Variants in SLAIN2 observed in about 807,000 individuals in gnomAD.
SLAIN2 encodes SLAIN motif-containing protein 2.
In SLAIN2, 31 loss-of-function variants were observed where a neutral mutation model predicts 56.6. The ratio of observed to expected loss-of-function variants is 0.55; its 90% confidence interval spans 0.41 to 0.74. The LOEUF is 0.74. Ranked by LOEUF, SLAIN2 falls within the 30% of genes least tolerant of loss-of-function variation. SLAIN2 has a pLI of 0.00. For synonymous variants in SLAIN2, 317 were observed against 284.9 expected (o/e 1.11, Z -1.13); for missense variants, 777 against 754.2 (o/e 1.03, Z -0.35).
intron 6 of SLAIN2, among the ~76,000 whole-genome samples, chr4:48,408,889 G>A (rs1034108899): frequency 5.3e-5 from 8 of 152,068 alleles, no homozygotes; most frequent in African/African-American, 1.9e-4. Flanking sequence ...GCCCTATACA[G>A]ATGTACCATA....
At chr4:48,388,091 T>C (rs1317937267) in intron 6 of SLAIN2, among the ~76,000 whole-genome samples, 1 of 152,196 alleles carries the variant, frequency 6.6e-6, no homozygotes, top group African/African-American at 2.4e-5. Context: ...TTTGCCTTGT[T>C]ACTATGCCAA....
intron 6 of SLAIN2, among the ~76,000 whole-genome samples, chr4:48,412,104 T>C (rs1716872153): frequency 6.6e-6 from 1 of 152,172 alleles, no homozygotes; most frequent in African/African-American, 2.4e-5. Context: ...TTTTTCCGCT[T>C]TCCTCACTAG....
At chr4:48,364,125 G>A in intron 1 of SLAIN2, among the ~76,000 whole-genome samples, 1 of 59,982 alleles carries the variant, frequency 1.7e-5, no homozygotes, top group Non-Finnish European at 3.7e-5. Context: ...CAGACGGGGT[G>A]GTTGCCAGGC....
intron 6 of SLAIN2, among the ~76,000 whole-genome samples, chr4:48,394,345 T>G (rs1342754403): frequency 6.6e-6 from 1 of 152,226 alleles, no homozygotes; most frequent in African/African-American, 2.4e-5. Flanking sequence ...TTTTCTCACC[T>G]GTAAGAAACT....
intron 1 of SLAIN2, among the ~76,000 whole-genome samples, chr4:48,349,634 T>G (rs1195989037): frequency 6.6e-6 from 1 of 152,242 alleles, no homozygotes; most frequent in Non-Finnish European, 1.5e-5. Context: ...TGATAAGACA[T>G]GAATTGCTTT....
chr4:48,375,726 C>T (rs1219326922), intron 2 of SLAIN2, among the ~76,000 whole-genome samples: 4 of 152,214 alleles, frequency 2.6e-5, no homozygotes, highest in East Asian at 1.9e-4. Flanking sequence ...TCAGGCCTTC[C>T]ATGACCTGGC....
intron 6 of SLAIN2, among the ~76,000 whole-genome samples, chr4:48,419,818 A>G (rs988802293): frequency 2.0e-4 from 31 of 152,304 alleles, no homozygotes; most frequent in African/African-American, 7.0e-4. Context: ...TATGTGGCCC[A>G]CATTAGTTGC....
chr4:48,346,837 T>G (rs1314493526), intron 1 of SLAIN2, among the ~76,000 whole-genome samples: 1 of 65,548 alleles, frequency 1.5e-5, no homozygotes, highest in South Asian at 8.2e-4. Flanking sequence ...CTATTTCCCT[T>G]TTTTTTTTTT....
chr4:48,342,107 G>GGGAGGA lies in SLAIN2; in HGVS notation c.379_384dup (p.Glu127_Glu128dup). The GGGAGGA allele has an allele frequency of 1.5e-6, 2 of 1,349,978 alleles. No individual in the cohort carries two copies. The highest frequency in any genetic ancestry group is 1.9e-6 in the Non-Finnish European group (2 of 1,055,040). 83.6% of individuals were successfully genotyped at this position (1,349,978 alleles called of 1,614,324 possible). On this transcript the variant is annotated inframe_insertion, in exon 1 of 8. Coordinates refer to ENST00000264313, the MANE Select transcript of SLAIN2 (RefSeq NM_020846.2). The stretch of plus-strand genomic sequence containing the variant: ...GACGAGCTGGAGCGCCTGTCAGGCT[G>GGGAGGA]GGAGGAGGAGGAGGAGAGCTGGTGA...
intron 4 of SLAIN2, 57 bp from the exon 5 acceptor site, chr4:48,382,511 A>T (rs1715993617): frequency 7.2e-7 from 1 of 1,380,226 alleles, no homozygotes; most frequent in Non-Finnish European, 9.5e-7. Flanking sequence ...TTTAAATTTT[A>T]AAATTATTTA....
chr4:48,374,845 C>T (rs749544944), intron 2 of SLAIN2, among the ~76,000 whole-genome samples: 10 of 152,136 alleles, frequency 6.6e-5, no homozygotes, highest in Non-Finnish European at 1.5e-4. Flanking sequence ...AAGTTGCCAG[C>T]TTCTGCGACA....
chr4:48,398,498 A>G (rs1716468022), intron 6 of SLAIN2, among the ~76,000 whole-genome samples: 1 of 152,072 alleles, frequency 6.6e-6, no homozygotes. Flanking sequence ...TTTTTAGTTT[A>G]ATTAGATCCC....
At chr4:48,419,497 T>C (rs1453845037) in intron 6 of SLAIN2, among the ~76,000 whole-genome samples, 1 of 152,162 alleles carries the variant, frequency 6.6e-6, no homozygotes, top group Non-Finnish European at 1.5e-5. Flanking sequence ...GCATCTCTGG[T>C]TCAGGCAGTT....
At chr4:48,421,349 G>A (rs1717152603) in intron 7 of SLAIN2, among the ~76,000 whole-genome samples, 1 of 152,100 alleles carries the variant, frequency 6.6e-6, no homozygotes, top group South Asian at 2.1e-4. Flanking sequence ...GAATCAGACA[G>A]GTTGGGAATG....
In SLAIN2 at chr4:48,424,397, T is replaced by C. The variant is rs991244427; in HGVS notation, c.*2320T>C. ...AACTAGTGCCTATGATTTTAACTTA[T>C]GTTTGATATATAGTAGTAAGGGTTT... On this transcript the variant is annotated 3_prime_UTR_variant, in exon 8 of 8. Coordinates refer to ENST00000264313, the MANE Select transcript of SLAIN2 (RefSeq NM_020846.2). 33 of 152,286 alleles carry C rather than the reference T, an allele frequency of 2.2e-4. No individual in the cohort carries two copies. The highest frequency in any genetic ancestry group is 1.1e-3 in the Admixed American group (17 of 15,294). 9.4% of individuals were successfully genotyped at this position (152,286 alleles called of 1,614,324 possible).
chr4:48,421,138 C>T (rs1717136967), intron 7 of SLAIN2, among the ~76,000 whole-genome samples: 1 of 152,118 alleles, frequency 6.6e-6, no homozygotes, highest in Non-Finnish European at 1.5e-5. Context: ...ACCTCAGCAC[C>T]CCCTGTAGCT....
intron 1 of SLAIN2, among the ~76,000 whole-genome samples, chr4:48,343,454 G>T (rs1232797464): frequency 6.6e-6 from 1 of 152,152 alleles, no homozygotes. Flanking sequence ...AGGAGATTCT[G>T]GTGATTCTTA....
At chr4:48,401,741 CTT>C (rs1304001817) in intron 6 of SLAIN2, among the ~76,000 whole-genome samples, 1 of 152,086 alleles carries the variant, frequency 6.6e-6, no homozygotes, top group African/African-American at 2.4e-5. Context: ...TACTCTGTGT[CTT>C]TTAATTGAGG....
chr4:48,358,651 C>T (rs1715231636), intron 1 of SLAIN2, among the ~76,000 whole-genome samples: 1 of 151,600 alleles, frequency 6.6e-6, no homozygotes, highest in Admixed American at 6.6e-5. Flanking sequence ...AGCAATGTAT[C>T]CTAATGGTTT....
Sources: gnomAD v4.1 joint callset for allele counts (sites outside exome capture counted in the v4.1 genomes callset) on GRCh38, gnomAD v4.1.1 for gene constraint, MANE v1.5 for transcripts, NCBI Gene and HGNC (gene_info 2026-07-23, HGNC 2026-07-21) for gene names.